TNIP1: variants seen among roughly 807,000 people sequenced by gnomAD.
The protein encoded by TNIP1 is TNFAIP3-interacting protein 1.
Under a neutral mutation model 86.6 loss-of-function variants are expected in TNIP1, and 22 were observed. The observed-to-expected ratio is 0.25, with a 90% CI of 0.18 to 0.36. The LOEUF (loss-of-function observed/expected upper bound fraction) is 0.36, where lower values mean the gene tolerates loss of function less well. Ranked by LOEUF, TNIP1 falls within the 10% of genes least tolerant of loss-of-function variation. TNIP1 has a pLI of 1.00. For synonymous variants in TNIP1, 294 were observed against 313.0 expected (o/e 0.94, Z 0.64); for missense variants, 709 against 820.6 (o/e 0.86, Z 1.66).
upstream of TNIP1, among the ~76,000 whole-genome samples, chr5:151,083,857 A>G (rs1764173046): frequency 6.6e-6 from 1 of 152,210 alleles, no homozygotes; most frequent in Non-Finnish European, 1.5e-5. Context: ...TAATAAAAGC[A>G]TTAAAAGGTA....
upstream of TNIP1, chr5:151,087,312 T>TTATTTG (rs1205365193): frequency 6.6e-6 from 1 of 152,368 alleles, no homozygotes; most frequent in Non-Finnish European, 1.5e-5. Flanking sequence ...TTTGTCAGCC[T>TTATTTG]CCACCTGTCA....
At chr5:151,045,441 G>A (rs1384428742) in intron 9 of TNIP1, among the ~76,000 whole-genome samples, 1 of 152,182 alleles carries the variant, frequency 6.6e-6, no homozygotes, top group African/African-American at 2.4e-5. Context: ...GGAGCCTCCA[G>A]GCTAGTGGGA....
In TNIP1 at chr5:151,056,959, T is replaced by C. The variant is rs1380895017; in HGVS notation, c.436-2A>G. On this transcript the variant is annotated splice_acceptor_variant, in intron 5 of 17. Coordinates refer to ENST00000521591, the MANE Select transcript of TNIP1 (RefSeq NM_006058.5). LOFTEE classifies it high-confidence loss of function. ...CTCACGGGGCAGGGGGCCCAGCGCC[T>C]GGAGAGGGAAAGGGCACACGGCCCA... is the stretch of plus-strand genomic sequence containing the variant. 3 of 1,497,512 alleles carry C rather than the reference T, an allele frequency of 2.0e-6. No individual in the cohort carries two copies. Among genetic ancestry groups the C allele is most frequent in the Admixed American group, 2.2e-5 (1 of 46,336 alleles). 92.8% of individuals were successfully genotyped at this position (1,497,512 alleles called of 1,614,324 possible).
intron 11 of TNIP1, among the ~76,000 whole-genome samples, chr5:151,039,611 A>G (rs997335756): frequency 6.6e-6 from 1 of 152,160 alleles, no homozygotes; most frequent in African/African-American, 2.4e-5. Context: ...TGTGAGCCCC[A>G]AAACTGAATG....
intron 1 of TNIP1, among the ~76,000 whole-genome samples, chr5:151,068,308 A>G (rs1056983046): frequency 1.1e-4 from 16 of 152,140 alleles, no homozygotes; most frequent in African/African-American, 3.6e-4. Flanking sequence ...GGCAGACGGG[A>G]ACTCTCCCTC....
At position 151,063,699 on chromosome 5, in the gene TNIP1, T is replaced by C; in HGVS notation, c.185A>G (p.Lys62Arg). 1 of 1,614,094 alleles carries C rather than the reference T, an allele frequency of 6.2e-7. No homozygotes were observed. The highest frequency in any genetic ancestry group is 8.5e-7 in the Non-Finnish European group (1 of 1,179,996). ...SQMEATRLRQ[K>R]AEELVKDNEL... is the part of the protein sequence containing the mutation. ...GTTGTCCTTCACTAGCTCCTCTGCC[T>C]TCTGCCGGAGCCTGGTCGCTTCCAT... The change falls in exon 3 of 18, where the codon AAG becomes AGG. Residue 62 changes from lysine to arginine, a missense_variant. Physicochemically the swap from Lys to Arg is conservative, Grantham distance 26 (BLOSUM62 2). Transcript: ENST00000521591.
At position 151,035,549 on chromosome 5, in the gene TNIP1, C is replaced by T. The variant is rs373961881; in HGVS notation, c.1521+33G>A. On this transcript the variant is annotated intron_variant, in intron 14 of 17. Coordinates refer to ENST00000521591, the MANE Select transcript of TNIP1 (RefSeq NM_006058.5). ...TGCCCCCTCTCCCCACGAGGACAGG[C>T]CAGTTGCCCTTCCTGGGTCCAGTCA... The T allele has an allele frequency of 2.5e-6, 4 of 1,613,914 alleles. No homozygotes were observed. The African/African-American group carries it at 5.3e-5, about 22-fold the overall frequency.
Position 151,045,936 on chromosome 5 carries a change from T to C in TNIP1, c.861A>G (p.Ala287=). Reference sequence around the variant, plus strand: ...AGGCCACCACCTCTGGGACCTTACCTGCCGTCACACTAGCCTGGGGAGAAG... The same window carrying C: ...AGGCCACCACCTCTGGGACCTTACCCGCCGTCACACTAGCCTGGGGAGAAG... ...VAGQQQASVT[A]GKVPEVVALG... The change falls in exon 9 of 18, where the codon GCA becomes GCG. Residue 287 remains alanine (A), a synonymous_variant. Coordinates refer to ENST00000521591, the MANE Select transcript of TNIP1 (RefSeq NM_006058.5). 6.2e-7 allele frequency: 1 copy of C among 1,614,106 alleles called. No individual in the cohort carries two copies. Among genetic ancestry groups the C allele is most frequent in the Non-Finnish European group, 8.5e-7 (1 of 1,180,022 alleles).
chr5:151,076,653 A>ACCTCT (rs979770144), intron 1 of TNIP1, among the ~76,000 whole-genome samples: 1 of 152,004 alleles, frequency 6.6e-6, no homozygotes, highest in African/African-American at 2.4e-5. Flanking sequence ...CTACTGCTCA[A>ACCTCT]CCTCTCCCCC....
chr5:151,054,831 T>C (rs1760436940), intron 6 of TNIP1, among the ~76,000 whole-genome samples: 1 of 152,338 alleles, frequency 6.6e-6, no homozygotes, highest in East Asian at 1.9e-4. Context: ...ACTGGATCAA[T>C]ACACCTCCAC....
intron 10 of TNIP1, 65 bp from the exon 11 acceptor site, chr5:151,042,736 G>C (rs1389547532): frequency 1.9e-6 from 3 of 1,605,440 alleles, no homozygotes; most frequent in South Asian, 1.1e-5. Flanking sequence ...GATGTGGGCA[G>C]GGCCTGGCTG....
intron 1 of TNIP1, among the ~76,000 whole-genome samples, chr5:151,073,226 G>GAAAA (rs1279821572): frequency 9.6e-6 from 1 of 104,280 alleles, no homozygotes; most frequent in Admixed American, 1.0e-4. Flanking sequence ...CATCTCAAAA[G>GAAAA]AAAAAAAAAA....
intron 11 of TNIP1, among the ~76,000 whole-genome samples, chr5:151,041,262 G>A (rs1758381835): frequency 6.6e-6 from 1 of 152,016 alleles, no homozygotes; most frequent in Admixed American, 6.5e-5. Flanking sequence ...TTAGAGACGG[G>A]GTTTCACCAT....
chr5:151,073,183 C>T (rs1329066261), intron 1 of TNIP1, among the ~76,000 whole-genome samples: 3 of 143,728 alleles, frequency 2.1e-5, no homozygotes, highest in African/African-American at 5.2e-5. Flanking sequence ...GATCACGCCA[C>T]AGCACTCCAG....
At chr5:151,050,010 C>T in intron 7 of TNIP1, 63 bp from the exon 8 acceptor site, 1 of 1,605,446 alleles carries the variant, frequency 6.2e-7, no homozygotes. Context: ...CTACAGGGCT[C>T]CTTAATGCTC....
chr5:151,070,490 G>C (rs966552230), intron 1 of TNIP1, among the ~76,000 whole-genome samples: 3 of 152,138 alleles, frequency 2.0e-5, no homozygotes, highest in Non-Finnish European at 4.4e-5. Context: ...CTAGTGACCT[G>C]CATATCACCA....
At chr5:151,031,882 C>A (rs531013486) in intron 17 of TNIP1, among the ~76,000 whole-genome samples, 1 of 152,222 alleles carries the variant, frequency 6.6e-6, no homozygotes, top group Non-Finnish European at 1.5e-5. Flanking sequence ...ATGCTGCCCC[C>A]CCGGTCTAGG....
intron 4 of TNIP1, among the ~76,000 whole-genome samples, chr5:151,061,259 C>T (rs563278415): frequency 6.6e-6 from 1 of 152,292 alleles, no homozygotes; most frequent in East Asian, 1.9e-4. Context: ...TGAGAGGAGT[C>T]AGTGCTCAGC....
chr5:151,043,383 T>C (rs1040860213), intron 9 of TNIP1, among the ~76,000 whole-genome samples: 3 of 152,112 alleles, frequency 2.0e-5, no homozygotes, highest in Non-Finnish European at 2.9e-5. Context: ...ATCTCAGCAA[T>C]ACCTGTATTA....
Sources: allele counts gnomAD v4.1 joint callset (sites outside exome capture counted in the v4.1 genomes callset), GRCh38; gene constraint gnomAD v4.1.1; transcripts MANE v1.5; gene names NCBI Gene and HGNC (gene_info 2026-07-23, HGNC 2026-07-21).